KATNIP: variants seen among roughly 807,000 people sequenced by gnomAD.
The protein encoded by KATNIP is katanin interacting protein, also known as katanin-interacting protein.
KATNIP carries 126 observed loss-of-function variants against 174.0 expected under a neutral mutation model. The ratio of observed to expected loss-of-function variants is 0.72; its 90% CI spans 0.63 to 0.84. KATNIP has a LOEUF of 0.84. KATNIP is among the 40% of genes least tolerant of loss of function. KATNIP has a pLI of 0.00. For synonymous variants in KATNIP, 810 were observed against 835.7 expected (o/e 0.97, Z 0.53); for missense variants, 1,958 against 2,109.7 (o/e 0.93, Z 1.41).
intron 14 of KATNIP, among the ~76,000 whole-genome samples, chr16:27,732,272 G>A (rs1440452895): frequency 6.6e-6 from 1 of 152,206 alleles, no homozygotes; most frequent in African/African-American, 2.4e-5. Flanking sequence ...TTTGTTAAAT[G>A]TCTCAGTGTC....
intron 1 of KATNIP, among the ~76,000 whole-genome samples, chr16:27,564,007 G>A (rs930796569): frequency 6.6e-6 from 1 of 150,600 alleles, no homozygotes; most frequent in Admixed American, 6.6e-5. Flanking sequence ...AGACTGCAGT[G>A]AGCCATGATC....
intron 6 of KATNIP, chr16:27,669,381 G>T (rs2077806196): frequency 1.3e-5 from 11 of 864,628 alleles, no homozygotes; most frequent in Non-Finnish European, 1.1e-5. Flanking sequence ...TGCGGTGTTG[G>T]CAGCCTGGCC....
chr16:27,586,743 C>T (rs1385644583), intron 2 of KATNIP, among the ~76,000 whole-genome samples: 2 of 151,428 alleles, frequency 1.3e-5, no homozygotes, highest in African/African-American at 2.4e-5. Context: ...GTCGGAGGAT[C>T]ACCTGAGCCC....
chr16:27,626,575 C>T (rs1267610528), intron 3 of KATNIP, among the ~76,000 whole-genome samples: 3 of 152,122 alleles, frequency 2.0e-5, no homozygotes, highest in Non-Finnish European at 2.9e-5. Flanking sequence ...CTACCCCTGC[C>T]ACATACTATA....
chr16:27,701,951 C>T (rs1173451225), intron 11 of KATNIP, among the ~76,000 whole-genome samples: 1 of 152,240 alleles, frequency 6.6e-6, no homozygotes. Flanking sequence ...TGCCACCGCA[C>T]CCAGCTAATT....
chr16:27,683,766 T>C (rs2078430763), intron 8 of KATNIP, among the ~76,000 whole-genome samples: 1 of 151,286 alleles, frequency 6.6e-6, no homozygotes, highest in African/African-American at 2.4e-5. Context: ...AGGTGGGGAG[T>C]AGGGGTGGCA....
At chr16:27,761,114 C>T (rs955953928) in intron 18 of KATNIP, among the ~76,000 whole-genome samples, 26 of 152,180 alleles carry the variant, frequency 1.7e-4, no homozygotes, top group Non-Finnish European at 7.3e-5. Flanking sequence ...CATGGGAAGC[C>T]ACCAAGGATG....
intron 14 of KATNIP, among the ~76,000 whole-genome samples, chr16:27,726,304 G>A (rs1005524243): frequency 2.6e-5 from 4 of 152,160 alleles, no homozygotes; most frequent in Non-Finnish European, 5.9e-5. Flanking sequence ...GTGCCCAAAA[G>A]GTTGGGGACC....
chr16:27,578,884 C>T (rs2090595515), intron 2 of KATNIP, among the ~76,000 whole-genome samples: 1 of 152,170 alleles, frequency 6.6e-6, no homozygotes, highest in South Asian at 2.1e-4. Context: ...GGCCAGGTTA[C>T]AGTCATTTCT....
intron 2 of KATNIP, among the ~76,000 whole-genome samples, chr16:27,604,688 G>A (rs1426283294): frequency 1.3e-5 from 2 of 152,192 alleles, no homozygotes; most frequent in African/African-American, 2.4e-5. Context: ...ATGCATCATT[G>A]TGTGAAATAA....
intron 1 of KATNIP, among the ~76,000 whole-genome samples, chr16:27,560,314 C>T (rs1052319171): frequency 6.7e-6 from 1 of 148,408 alleles, no homozygotes; most frequent in African/African-American, 2.5e-5. Flanking sequence ...AAGGTAATTT[C>T]ACATAAGAAC....
chr16:27,763,563 C>T (rs1042985650), intron 19 of KATNIP, among the ~76,000 whole-genome samples: 4 of 140,180 alleles, frequency 2.9e-5, no homozygotes, highest in Admixed American at 7.7e-5. Context: ...TGCAGTGAGC[C>T]GTGATTGTGC....
intron 1 of KATNIP, among the ~76,000 whole-genome samples, chr16:27,553,631 A>C (rs910066493): frequency 6.6e-6 from 1 of 152,178 alleles, no homozygotes; most frequent in Non-Finnish European, 1.5e-5. Context: ...CTTCGTCAAC[A>C]TAGTGAGACT....
At chr16:27,769,793 C>T (rs570625580) in intron 20 of KATNIP, 68 bp from the exon 21 acceptor site, 22 of 1,574,644 alleles carry the variant, frequency 1.4e-5, no homozygotes, top group South Asian at 1.4e-4. Context: ...GCTCCGGTCA[C>T]GTCAGCACCG....
chr16:27,696,980 C>T (rs541059935), intron 8 of KATNIP, among the ~76,000 whole-genome samples: 6 of 152,208 alleles, frequency 3.9e-5, no homozygotes, highest in South Asian at 2.1e-4. Context: ...CCACCCACCT[C>T]GACCTCCCAA....
At chr16:27,562,121 T>C (rs1178025629) in intron 1 of KATNIP, among the ~76,000 whole-genome samples, 1 of 152,128 alleles carries the variant, frequency 6.6e-6, no homozygotes, top group Non-Finnish European at 1.5e-5. Flanking sequence ...TCCTGGGCAA[T>C]ATGGCAGACC....
intron 6 of KATNIP, among the ~76,000 whole-genome samples, chr16:27,674,177 A>G (rs1483873146): frequency 4.6e-5 from 7 of 152,200 alleles, no homozygotes; most frequent in Non-Finnish European, 8.8e-5. Context: ...CTTGGTATCA[A>G]GGGATGAAAG....
intron 6 of KATNIP, among the ~76,000 whole-genome samples, chr16:27,662,867 A>G (rs555826914): frequency 1.3e-5 from 2 of 152,202 alleles, no homozygotes; most frequent in African/African-American, 4.8e-5. Flanking sequence ...ATTTAAAAAG[A>G]TTCAAACAGT....
chr16:27,619,969 G>T (rs1567502576), intron 3 of KATNIP, among the ~76,000 whole-genome samples: 1 of 152,200 alleles, frequency 6.6e-6, no homozygotes, highest in African/African-American at 2.4e-5. Flanking sequence ...AGACTGGATG[G>T]TGCCACTGAA....
Sources: gnomAD v4.1 joint callset for allele counts (sites outside exome capture counted in the v4.1 genomes callset) on GRCh38, gnomAD v4.1.1 for gene constraint, MANE v1.5 for transcripts, NCBI Gene and HGNC (gene_info 2026-07-23, HGNC 2026-07-21) for gene names.